Variants in WDR7 observed in about 807,000 individuals in gnomAD.
The protein encoded by WDR7 is WD repeat-containing protein 7.
WDR7 carries 46 observed loss-of-function variants against 169.4 expected under a neutral mutation model. That is an observed-to-expected ratio of 0.27 (90% CI 0.21 to 0.35). WDR7 has a LOEUF of 0.35. Ranked by LOEUF, WDR7 falls within the 10% of genes least tolerant of loss-of-function variation. WDR7 has a pLI of 1.00. For synonymous variants in WDR7, 612 were observed against 666.8 expected (o/e 0.92, Z 1.27); for missense variants, 1,534 against 1,859.3 (o/e 0.83, Z 3.22).
At chr18:56,704,235 G>A (rs2025898483) in intron 12 of WDR7, among the ~76,000 whole-genome samples, 1 of 151,962 alleles carries the variant, frequency 6.6e-6, no homozygotes, top group African/African-American at 2.4e-5. Flanking sequence ...CTATACTATT[G>A]TTTAAAGATA....
At chr18:56,691,576 T>A (rs936436827) in intron 8 of WDR7, 139 bp from the exon 9 acceptor site, 3 of 880,372 alleles carry the variant, frequency 3.4e-6, no homozygotes, top group Non-Finnish European at 4.8e-6. Flanking sequence ...TATAACATTA[T>A]TTAATTTAAT....
intron 21 of WDR7, among the ~76,000 whole-genome samples, chr18:56,897,393 T>C (rs2145551449): frequency 2.6e-5 from 2 of 75,622 alleles, no homozygotes; most frequent in Middle Eastern, 0.014. Context: ...TGGACAAATA[T>C]ACTGAGCAAA....
chr18:56,927,110 A>G (rs1275280287), intron 22 of WDR7, among the ~76,000 whole-genome samples: 1 of 152,216 alleles, frequency 6.6e-6, no homozygotes, highest in African/African-American at 2.4e-5. Flanking sequence ...AAACATAAGC[A>G]GTGTTTCCTA....
chr18:56,852,452 T>A (rs1169511864), intron 20 of WDR7, among the ~76,000 whole-genome samples: 2 of 152,184 alleles, frequency 1.3e-5, no homozygotes, highest in Non-Finnish European at 2.9e-5. Flanking sequence ...TATTTTGAAT[T>A]GTGGAATAAA....
chr18:56,801,433 G>C (rs2044670959), intron 19 of WDR7, among the ~76,000 whole-genome samples: 2 of 151,974 alleles, frequency 1.3e-5, no homozygotes, highest in South Asian at 4.2e-4. Flanking sequence ...GTTCATCCTG[G>C]GTTCCCTCGG....
chr18:56,799,738 G>T (rs1353079844), intron 19 of WDR7, among the ~76,000 whole-genome samples: 1 of 152,124 alleles, frequency 6.6e-6, no homozygotes, highest in Admixed American at 6.5e-5. Flanking sequence ...TTTAAAATGT[G>T]CTGTGAAACA....
chr18:56,857,328 C>T (rs776501415), intron 20 of WDR7, among the ~76,000 whole-genome samples: 18 of 152,070 alleles, frequency 1.2e-4, no homozygotes, highest in Non-Finnish European at 2.4e-4. Context: ...GGTGTGATCT[C>T]AGCTCATTGT....
At chr18:56,806,300 G>A (rs1376372055) in intron 19 of WDR7, among the ~76,000 whole-genome samples, 1 of 152,060 alleles carries the variant, frequency 6.6e-6, no homozygotes, top group Non-Finnish European at 1.5e-5. Context: ...CATGCTCAGA[G>A]AACAGCCCTA....
Position 56,858,959 on chromosome 18 carries a change from A to G in WDR7, c.3305-20985A>G, listed in dbSNP as rs372477837. ...AGAAGATGGTAGATGCTATGCCAAA[A>G]GACTAGAGAAGAGCAAAAGATGAAG... On this transcript the variant is annotated intron_variant, in intron 20 of 27. Transcript: ENST00000254442. Among the ~76,000 whole-genome samples, 34 of 152,298 alleles carry G rather than the reference A, an allele frequency of 2.2e-4. No individual in the cohort carries two copies. The South Asian group carries it at 2.3e-3, about 10-fold the overall frequency.
chr18:56,734,088 G>C (rs535220209), intron 14 of WDR7, among the ~76,000 whole-genome samples: 31 of 152,172 alleles, frequency 2.0e-4, no homozygotes, highest in African/African-American at 7.0e-4. Context: ...CTTTAGATGT[G>C]GAGCATTCAT....
intron 20 of WDR7, among the ~76,000 whole-genome samples, chr18:56,846,503 T>C (rs1215930414): frequency 6.6e-6 from 1 of 152,174 alleles, no homozygotes; most frequent in Non-Finnish European, 1.5e-5. Flanking sequence ...TCCCTTTCAC[T>C]TCCCTCCATG....
chr18:56,658,355 C>T (rs777189325), intron 1 of WDR7, among the ~76,000 whole-genome samples: 6 of 152,092 alleles, frequency 3.9e-5, no homozygotes, highest in South Asian at 2.1e-4. Context: ...CTGCCTGCCT[C>T]GGCCTCCCAA....
chr18:56,663,401 A>G (rs895392735), intron 1 of WDR7, among the ~76,000 whole-genome samples: 2 of 152,216 alleles, frequency 1.3e-5, no homozygotes, highest in African/African-American at 2.4e-5. Flanking sequence ...TGTAGATGCT[A>G]TTAGAGAATG....
intron 21 of WDR7, among the ~76,000 whole-genome samples, chr18:56,900,843 G>A (rs1335563053): frequency 6.6e-6 from 1 of 152,148 alleles, no homozygotes; most frequent in Non-Finnish European, 1.5e-5. Context: ...GCAGCTTGGG[G>A]AGGGAAGTGT....
chr18:57,011,396 G>A (rs770775190), intron 26 of WDR7, among the ~76,000 whole-genome samples: 16 of 149,574 alleles, frequency 1.1e-4, no homozygotes, highest in Admixed American at 4.0e-4. Flanking sequence ...TTTACTTGAG[G>A]CATTATATCT....
chr18:56,718,306 T>A, intron 13 of WDR7, 147 bp downstream of exon 13: 3 of 847,840 alleles, frequency 3.5e-6, no homozygotes, highest in Non-Finnish European at 5.3e-6. Flanking sequence ...GTGGCCTCTT[T>A]TTTGTTCTGC....
At chr18:56,724,401 G>A (rs1285785788) in intron 13 of WDR7, among the ~76,000 whole-genome samples, 4 of 151,482 alleles carry the variant, frequency 2.6e-5, no homozygotes, top group South Asian at 2.1e-4. Context: ...GTAGAGATGG[G>A]GGGTTTCATC....
intron 16 of WDR7, among the ~76,000 whole-genome samples, chr18:56,772,633 A>G (rs1273380745): frequency 1.3e-5 from 2 of 152,098 alleles, no homozygotes; most frequent in Non-Finnish European, 1.5e-5. Context: ...CATTATTTCC[A>G]TAGACATAGA....
intron 16 of WDR7, among the ~76,000 whole-genome samples, chr18:56,774,149 G>A (rs377549374): frequency 4.5e-4 from 69 of 152,114 alleles, no homozygotes; most frequent in Admixed American, 1.2e-3. Context: ...TGGAGCACCC[G>A]AAGTATGTTA....
Sources: allele counts gnomAD v4.1 joint callset (sites outside exome capture counted in the v4.1 genomes callset), GRCh38; gene constraint gnomAD v4.1.1; transcripts MANE v1.5; gene names NCBI Gene and HGNC (gene_info 2026-07-23, HGNC 2026-07-21).